The following ASXL3 variants were observed in gnomAD, a reference collection of about 807,000 sequenced individuals.
ASXL3 encodes ASXL transcriptional regulator 3.
A neutral mutation model predicts 170.6 loss-of-function variants in ASXL3; 34 were observed. That is an observed-to-expected ratio of 0.20 (90% CI 0.15 to 0.27). The LOEUF (loss-of-function observed/expected upper bound fraction) is 0.27, where lower values mean the gene tolerates loss of function less well. Among genes scored for constraint, ASXL3 ranks in the 10% least tolerant of loss-of-function variants. The pLI is 1.00. For missense variants in ASXL3, 2,592 were observed against 2,695.3 expected (o/e 0.96, Z 0.85); for synonymous variants, 1,002 against 989.1 (o/e 1.01, Z -0.24).
At position 33,744,691 on chromosome 18, in the gene ASXL3, A is replaced by G; in HGVS notation, c.4843A>G (p.Arg1615Gly). ...GATTTGCTGGAATGATGATGGGATGAGGAGCACAGGACAGCCTCTGGTTAC... is the reference window on the plus strand; with the variant it reads ...GATTTGCTGGAATGATGATGGGATGGGGAGCACAGGACAGCCTCTGGTTAC... ...NRICWNDDGM[R>G]STGQPLVTHS... is the part of the protein sequence containing the mutation. Residue 1615 changes from arginine to glycine, a missense_variant, in exon 12 of 12, where the codon AGG (arginine) becomes GGG (glycine). By Grantham distance (125) the Arg-to-Gly change is moderately radical (BLOSUM62 -2). This residue lies in a region of ASXL3 where 2,246 missense variants were observed against 2,219.6 expected (regional missense o/e 1.01). Transcript: ENST00000269197. The G allele has an allele frequency of 6.2e-7, 1 of 1,611,100 alleles. No homozygotes were observed. The highest frequency in any genetic ancestry group is 2.2e-5 in the East Asian group (1 of 44,836).
intron 1 of ASXL3, among the ~76,000 whole-genome samples, chr18:33,594,707 G>T (rs2065109762): frequency 1.3e-5 from 2 of 152,206 alleles, no homozygotes; most frequent in South Asian, 4.1e-4. Context: ...GAAGCATGTA[G>T]AAATATTTGC....
intron 8 of ASXL3, among the ~76,000 whole-genome samples, chr18:33,712,356 T>C (rs747251913): frequency 2.6e-5 from 4 of 152,228 alleles, no homozygotes; most frequent in Non-Finnish European, 5.9e-5. Context: ...GCTCCTGGCA[T>C]TAACATTGAC....
intron 2 of ASXL3, among the ~76,000 whole-genome samples, chr18:33,644,556 T>A (rs564386464): frequency 6.6e-6 from 1 of 151,544 alleles, no homozygotes; most frequent in East Asian, 1.9e-4. Flanking sequence ...ATGGTGTTAT[T>A]TGTAAAATAA....
intron 1 of ASXL3, among the ~76,000 whole-genome samples, chr18:33,606,772 C>G (rs555936915): frequency 6.6e-6 from 1 of 151,880 alleles, no homozygotes; most frequent in South Asian, 2.1e-4. Flanking sequence ...AGATGTGGTC[C>G]CTGTAGTTCA....
chr18:33,724,017 A>T (rs185087988), intron 8 of ASXL3, among the ~76,000 whole-genome samples: 2 of 152,290 alleles, frequency 1.3e-5, no homozygotes, highest in Admixed American at 1.3e-4. Flanking sequence ...ATGCTATTGT[A>T]CAGTTAATAG....
rs573790171 is a variant in ASXL3, at chr18:33,602,265, C to G, written c.55-5329C>G. Among the ~76,000 whole-genome samples the G allele has an allele frequency of 7.9e-5, 12 of 152,108 alleles. No homozygotes were observed. The South Asian group carries it at 2.5e-3, about 32-fold the overall frequency. ...AAAAATTGTCTTCCATGAAACCAGT[C>G]CCTGGTGCCAAAAAGGTAGGGGACA... On this transcript the variant is annotated intron_variant, in intron 1 of 11. Transcript: ENST00000269197.
chr18:33,673,483 C>T (rs1157648775), intron 7 of ASXL3, among the ~76,000 whole-genome samples: 1 of 151,634 alleles, frequency 6.6e-6, no homozygotes, highest in Non-Finnish European at 1.5e-5. Context: ...AAGTGATTCT[C>T]CTGCCTCAGC....
intron 7 of ASXL3, among the ~76,000 whole-genome samples, chr18:33,681,474 A>C (rs2066513930): frequency 6.6e-6 from 1 of 152,140 alleles, no homozygotes; most frequent in African/African-American, 2.4e-5. Context: ...GAAATTCTAA[A>C]TTGACAGTTT....
At chr18:33,727,381 G>C (rs1034345119) in intron 8 of ASXL3, among the ~76,000 whole-genome samples, 1 of 152,068 alleles carries the variant, frequency 6.6e-6, no homozygotes, top group Non-Finnish European at 1.5e-5. Flanking sequence ...AACATTGTAT[G>C]ATATGCAAGG....
intron 8 of ASXL3, 82 bp from the exon 9 acceptor site, chr18:33,731,886 C>A: frequency 9.3e-7 from 1 of 1,069,740 alleles, no homozygotes; most frequent in Non-Finnish European, 1.4e-6. Context: ...CCCAACACCA[C>A]TCAATTTTTG....
At chr18:33,620,773 GATAA>G in intron 2 of ASXL3, among the ~76,000 whole-genome samples, 1 of 152,132 alleles carries the variant, frequency 6.6e-6, no homozygotes, top group African/African-American at 2.4e-5. Flanking sequence ...ACCTGGAGCA[GATAA>G]TTATTTAAAC....
chr18:33,611,262 G>GT (rs1293181532), intron 2 of ASXL3, among the ~76,000 whole-genome samples: 2 of 151,826 alleles, frequency 1.3e-5, no homozygotes, highest in African/African-American at 4.8e-5. Flanking sequence ...TTCCATGTGG[G>GT]TAAAAAAGAA....
At chr18:33,706,107 C>CT (rs34911049) in intron 8 of ASXL3, among the ~76,000 whole-genome samples, 19 of 145,666 alleles carry the variant, frequency 1.3e-4, no homozygotes, top group Non-Finnish European at 1.8e-4. Flanking sequence ...TCTTGATGCA[C>CT]TTTTTTTTTT....
rs768931098 is a variant in ASXL3 at position 33,739,272 on chromosome 18, C to T, written c.1868C>T (p.Thr623Ile). Residue 623 changes from threonine to isoleucine, a missense_variant, in exon 11 of 12, where the codon ACC becomes ATC. This residue lies in a region of ASXL3 where 2,246 missense variants were observed against 2,219.6 expected (regional missense o/e 1.01). Coordinates refer to ENST00000269197, the MANE Select transcript of ASXL3 (RefSeq NM_030632.3). ...TCTGAGAGCCCAGAGGGAGCCTGTA[C>T]CAGCCTGCCTTCTCCAGGAGGGGAA... The part of the protein sequence containing the change: ...FSSESPEGAC[T>I]SLPSPGGETQ... The T allele has an allele frequency of 6.2e-7, 1 of 1,613,744 alleles. No homozygotes were observed. The highest frequency in any genetic ancestry group is 8.5e-7 in the Non-Finnish European group (1 of 1,179,780).
chr18:33,628,126 C>T (rs2065627624), intron 2 of ASXL3, among the ~76,000 whole-genome samples: 1 of 151,940 alleles, frequency 6.6e-6, no homozygotes, highest in Non-Finnish European at 1.5e-5. Context: ...CTGATTTATT[C>T]CTGATGGTAA....
Position 33,590,619 on chromosome 18 carries a change from C to G in ASXL3, c.54+11934C>G, listed in dbSNP as rs548408848. Among the ~76,000 whole-genome samples the G allele has an allele frequency of 2.0e-5, 3 of 152,202 alleles. No homozygotes were observed. The South Asian group carries it at 6.2e-4, about 32-fold the overall frequency. On this transcript the variant is annotated intron_variant, in intron 1 of 11. Coordinates refer to ENST00000269197, the MANE Select transcript of ASXL3 (RefSeq NM_030632.3). ...TGTTCTAATGTAGGTACTCTTCATT[C>G]ATTACTTCTGTTATTATTTTTATAA... is the stretch of plus-strand genomic sequence containing the variant.
intron 2 of ASXL3, among the ~76,000 whole-genome samples, chr18:33,619,875 T>A (rs2145150373): frequency 6.6e-6 from 1 of 152,186 alleles, no homozygotes; most frequent in East Asian, 1.9e-4. Flanking sequence ...GTCCACCATG[T>A]TTAGGTGGAG....
chr18:33,586,350 G>T (rs757777726), intron 1 of ASXL3, among the ~76,000 whole-genome samples: 2 of 151,740 alleles, frequency 1.3e-5, no homozygotes, highest in Non-Finnish European at 2.9e-5. Flanking sequence ...CCCCAAATGT[G>T]CACACAACAA....
At position 33,695,654 on chromosome 18, in the gene ASXL3, A is replaced by T. The variant is rs181261584; in HGVS notation, c.879+12086A>T. On this transcript the variant is annotated intron_variant, in intron 8 of 11. Transcript: ENST00000269197. ...GCACATAATAGGCAATCTAACTTACAGAGCTGATTCTAGTCTATGCATAAG... is the reference window on the plus strand; with the variant it reads ...GCACATAATAGGCAATCTAACTTACTGAGCTGATTCTAGTCTATGCATAAG... 2.0e-5 allele frequency among the ~76,000 whole-genome samples: 3 copies of T among 152,290 alleles called. No individual in the cohort carries two copies. In the East Asian group the frequency reaches 5.8e-4, roughly 29 times the overall value.
Sources: allele counts gnomAD v4.1 joint callset (sites outside exome capture counted in the v4.1 genomes callset), GRCh38; gene constraint gnomAD v4.1.1; regional missense constraint gnomAD v4.1.1; transcripts MANE v1.5; gene names NCBI Gene and HGNC (gene_info 2026-07-23, HGNC 2026-07-21).